The following HECW2 variants were observed in gnomAD, a reference collection of about 807,000 sequenced individuals.
The protein encoded by HECW2 is HECT, C2 and WW domain containing E3 ubiquitin protein ligase 2.
In HECW2, 61 loss-of-function variants were observed where a neutral mutation model predicts 175.2. The observed-to-expected ratio is 0.35, with a 90% CI of 0.28 to 0.43. The LOEUF (loss-of-function observed/expected upper bound fraction) is 0.43. HECW2 is among the 20% of genes least tolerant of loss of function. HECW2 has a pLI of 1.00. For synonymous variants in HECW2, 671 were observed against 731.0 expected, an observed-to-expected ratio of 0.92 and a Z score of 1.32; for missense variants, 1,524 against 2,000.5, an observed-to-expected ratio of 0.76 and a Z score of 4.54.
chr2:196,545,117 T>G (rs1267804687), intron 1 of HECW2, among the ~76,000 whole-genome samples: 1 of 152,226 alleles, frequency 6.6e-6, no homozygotes, highest in African/African-American at 2.4e-5. Flanking sequence ...AAGCTCATCA[T>G]GTGGAAGTCA....
chr2:196,396,280 A>G (rs1026571798), intron 2 of HECW2, among the ~76,000 whole-genome samples: 2 of 152,254 alleles, frequency 1.3e-5, no homozygotes, highest in African/African-American at 4.8e-5. Flanking sequence ...CAAACAAGCA[A>G]TAGCACAAAA....
chr2:196,373,711 T>C (rs1457738188), intron 2 of HECW2, among the ~76,000 whole-genome samples: 6 of 151,824 alleles, frequency 4.0e-5, no homozygotes, highest in Middle Eastern at 3.4e-3. Context: ...AAAAAAGTAA[T>C]GATTATACAT....
chr2:196,374,045 T>TA (rs148245930), intron 2 of HECW2, among the ~76,000 whole-genome samples: 8 of 123,620 alleles, frequency 6.5e-5, no homozygotes, highest in South Asian at 4.7e-4. Flanking sequence ...AAAAATAAAA[T>TA]AAAATAAATA....
chr2:196,331,187 T>C, intron 4 of HECW2: 4 of 985,464 alleles, frequency 4.1e-6, no homozygotes, highest in Non-Finnish European at 4.8e-6. Flanking sequence ...TCCAGGTATC[T>C]GTTTTTCCTT....
intron 5 of HECW2, among the ~76,000 whole-genome samples, chr2:196,327,015 T>C (rs1692179036): frequency 6.6e-6 from 1 of 152,206 alleles, no homozygotes; most frequent in African/African-American, 2.4e-5. Context: ...TTTTCTTGCC[T>C]TTCTTGATTA....
chr2:196,223,846 G>C (rs1352616436), intron 23 of HECW2, among the ~76,000 whole-genome samples: 1 of 152,160 alleles, frequency 6.6e-6, no homozygotes, highest in Non-Finnish European at 1.5e-5. Flanking sequence ...GTGCTATTAA[G>C]GTTGGAGAGA....
intron 1 of HECW2, among the ~76,000 whole-genome samples, chr2:196,456,111 C>A (rs1033846955): frequency 6.6e-6 from 1 of 151,858 alleles, no homozygotes. Flanking sequence ...AAATCATGCC[C>A]CTAAATTGCT....
intron 2 of HECW2, among the ~76,000 whole-genome samples, chr2:196,432,042 A>C (rs772450340): frequency 6.6e-6 from 1 of 152,218 alleles, no homozygotes; most frequent in Non-Finnish European, 1.5e-5. Flanking sequence ...ATTTGGGGCT[A>C]GATCACTGTG....
chr2:196,226,516 C>A (rs150414751), intron 22 of HECW2, among the ~76,000 whole-genome samples: 1 of 152,184 alleles, frequency 6.6e-6, no homozygotes. Context: ...TATTTAGAGA[C>A]CCTGCTCCAC....
At chr2:196,551,872 G>A (rs1251351002) in intron 1 of HECW2, among the ~76,000 whole-genome samples, 1 of 152,154 alleles carries the variant, frequency 6.6e-6, no homozygotes, top group African/African-American at 2.4e-5. Context: ...TTTGCCTGGA[G>A]CTCTCCTCTC....
At chr2:196,468,919 A>T (rs1261939654) in intron 1 of HECW2, among the ~76,000 whole-genome samples, 1 of 152,218 alleles carries the variant, frequency 6.6e-6, no homozygotes, top group Non-Finnish European at 1.5e-5. Flanking sequence ...CCTAGACAGC[A>T]TTTAAGTTGC....
intron 1 of HECW2, among the ~76,000 whole-genome samples, chr2:196,558,306 C>T (rs976049097): frequency 6.6e-6 from 1 of 152,174 alleles, no homozygotes; most frequent in Non-Finnish European, 1.5e-5. Context: ...AAGAAGTCTA[C>T]AGTCAAATAT....
At chr2:196,210,733 C>G (rs1476279156) in intron 28 of HECW2, among the ~76,000 whole-genome samples, 1 of 151,766 alleles carries the variant, frequency 6.6e-6, no homozygotes, top group Non-Finnish European at 1.5e-5. Context: ...TCTGCCTCAG[C>G]CTCCCGAGTA....
chr2:196,557,691 T>C (rs1366405515), intron 1 of HECW2, among the ~76,000 whole-genome samples: 1 of 152,192 alleles, frequency 6.6e-6, no homozygotes, highest in Non-Finnish European at 1.5e-5. Flanking sequence ...AATCATGTGA[T>C]AATATTTCAT....
chr2:196,513,296 A>T (rs1199526677), intron 1 of HECW2, among the ~76,000 whole-genome samples: 1 of 152,206 alleles, frequency 6.6e-6, no homozygotes, highest in Admixed American at 6.5e-5. Context: ...GGATCACTTG[A>T]TCCCAGGAGT....
In HECW2 at chr2:196,411,995, G is replaced by A. The variant is rs188074979; in HGVS notation, c.292+21137C>T. Among the ~76,000 whole-genome samples the A allele has an allele frequency of 1.1e-4, 17 of 152,260 alleles. No homozygotes were observed. The East Asian group carries it at 3.1e-3, about 28-fold the overall frequency. ...AGTGCACTGCAGCCTGGGTGACAGA[G>A]CAAGACTCTGTCTTAAAAAATAAAA... On this transcript the variant is annotated intron_variant, in intron 2 of 28. Transcript: ENST00000644978.
chr2:196,225,825 C>T lies in HECW2; in HGVS notation c.3963G>A (p.Gln1321=), dbSNP rs137883828. 11 of 1,613,196 alleles carry T rather than the reference C, an allele frequency of 6.8e-6. No homozygotes were observed. The highest frequency in any genetic ancestry group is 5.9e-6 in the Non-Finnish European group (7 of 1,179,358). Residue 1321 remains glutamine, a synonymous_variant, in exon 23 of 29, where the codon CAG becomes CAA. Coordinates refer to ENST00000644978, the MANE Select transcript of HECW2 (RefSeq NM_001348768.2). ...GTGTGAAGAAGGCATCCAACAAATACTGGTGTATTAGTGCAAGACCAAGGA... is the reference window on the plus strand; with the variant it reads ...GTGTGAAGAAGGCATCCAACAAATATTGGTGTATTAGTGCAAGACCAAGGA... ...GRILGLALIH[Q]YLLDAFFTRP... is the part of the protein sequence containing the mutation.
chr2:196,469,798 T>C (rs1697121758), intron 1 of HECW2, among the ~76,000 whole-genome samples: 1 of 151,594 alleles, frequency 6.6e-6, no homozygotes, highest in Non-Finnish European at 1.5e-5. Flanking sequence ...GTATATATAG[T>C]ATGAAGAAAA....
chr2:196,480,700 C>T (rs528483920), intron 1 of HECW2, among the ~76,000 whole-genome samples: 1 of 152,288 alleles, frequency 6.6e-6, no homozygotes, highest in Admixed American at 6.5e-5. Flanking sequence ...CACGCAAAAC[C>T]TAGTCTTATA....
Sources: gnomAD v4.1 joint callset for allele counts (sites outside exome capture counted in the v4.1 genomes callset) on GRCh38, gnomAD v4.1.1 for gene constraint, MANE v1.5 for transcripts, NCBI Gene and HGNC (gene_info 2026-07-23, HGNC 2026-07-21) for gene names.